The following DIAPH2 variants were observed in gnomAD, a reference collection of about 807,000 sequenced individuals.
DIAPH2 encodes protein diaphanous homolog 2.
In DIAPH2, 35 loss-of-function variants were observed where a neutral mutation model predicts 92.7. The ratio of observed to expected loss-of-function variants is 0.38; its 90% CI spans 0.29 to 0.50. DIAPH2 has a LOEUF of 0.50. Ranked by LOEUF, DIAPH2 falls within the 20% of genes least tolerant of loss-of-function variation. DIAPH2 has a pLI of 0.94. For missense variants in DIAPH2, 701 were observed against 819.5 expected, an observed-to-expected ratio of 0.86 and a Z score of 1.77; for synonymous variants, 301 against 280.4, an observed-to-expected ratio of 1.07 and a Z score of -0.73.
Position 96,943,035 on chromosome X carries a change from A to G in DIAPH2, c.1444+899A>G, listed in dbSNP as rs188905073. ...TATTTCAGGCAATCCAGAGACTTAC[A>G]TAAGTGACAAACCACCAATCACATT... On this transcript the variant is annotated intron_variant, in intron 13 of 26. Transcript: ENST00000324765. Among the ~76,000 whole-genome samples, 554 of 110,262 alleles carry G rather than the reference A, an allele frequency of 5.0e-3. 5 individuals carry two copies. The highest frequency in any genetic ancestry group is 0.018 in the African/African-American group (543 of 30,268).
chrX:97,418,915 T>G (rs2147768035), intron 25 of DIAPH2, among the ~76,000 whole-genome samples: 1 of 111,914 alleles, frequency 8.9e-6, no homozygotes, highest in Admixed American at 9.5e-5. Flanking sequence ...CATTCTTGGC[T>G]TTGGCTCTCC....
At chrX:97,491,902 A>G (rs2070728107) in intron 26 of DIAPH2, among the ~76,000 whole-genome samples, 2 of 111,310 alleles carry the variant, frequency 1.8e-5, no homozygotes, top group African/African-American at 3.3e-5. Flanking sequence ...TATGATTACC[A>G]TGAAGCTTGC....
At position 97,599,238 on chromosome X, in the gene DIAPH2, C is replaced by CTGTT; in HGVS notation, c.3242-11_3242-8dup. 1.7e-6 allele frequency: 2 copies of CTGTT among 1,168,870 alleles called. No homozygotes were observed. Among genetic ancestry groups the CTGTT allele is most frequent in the Non-Finnish European group, 1.2e-6 (1 of 866,001 alleles). On this transcript the variant is annotated splice_polypyrimidine_tract_variant and intron_variant, in intron 26 of 26. Coordinates refer to ENST00000324765, the MANE Select transcript of DIAPH2 (RefSeq NM_006729.5). ...ACTTACCATGCTTTTGGTCCTTTTT[C>CTGTT]TGTTTGTCTTACAGATAACAGACGA...
At chrX:96,901,039 A>C (rs1445278505) in intron 5 of DIAPH2, among the ~76,000 whole-genome samples, 1 of 111,409 alleles carries the variant, frequency 9.0e-6, no homozygotes, top group African/African-American at 3.3e-5. Flanking sequence ...ATTGGTAAAA[A>C]ATTTTTCTTT....
At chrX:97,379,943 A>G (rs777792878) in intron 24 of DIAPH2, among the ~76,000 whole-genome samples, 6 of 111,311 alleles carry the variant, frequency 5.4e-5, no homozygotes, top group Non-Finnish European at 9.4e-5. Context: ...GAAATAAATG[A>G]GAGGTCTTAG....
At chrX:97,304,770 A>G (rs2068732763) in intron 23 of DIAPH2, among the ~76,000 whole-genome samples, 1 of 112,283 alleles carries the variant, frequency 8.9e-6, no homozygotes, top group African/African-American at 3.2e-5. Context: ...CAGAAATTGC[A>G]TTCTGTATGC....
intron 1 of DIAPH2, among the ~76,000 whole-genome samples, chrX:96,722,272 G>A (rs1340530074): frequency 1.8e-5 from 2 of 110,562 alleles, no homozygotes; most frequent in Non-Finnish European, 1.9e-5. Context: ...CAGGAGAATT[G>A]CTTGAACCTG....
At chrX:96,907,372 T>C (rs1001278588) in intron 5 of DIAPH2, among the ~76,000 whole-genome samples, 6 of 112,373 alleles carry the variant, frequency 5.3e-5, no homozygotes, top group African/African-American at 1.9e-4. Context: ...TGTCTAGGCA[T>C]AGATATGTAG....
Position 97,169,981 on chromosome X carries a change from T to G in DIAPH2, c.2719+28187T>G, listed in dbSNP as rs145312522. Among the ~76,000 whole-genome samples the G allele has an allele frequency of 7.0e-3, 780 of 112,134 alleles. 5 individuals carry two copies. The highest frequency in any genetic ancestry group is 0.024 in the African/African-American group (733 of 30,897). ...ATGAGTAATTCCTTTTTTTGTTGTT[T>G]TTTGTTATTTTTTGACATGAGTAAC... is the stretch of plus-strand genomic sequence containing the variant. On this transcript the variant is annotated intron_variant, in intron 22 of 26. Transcript: ENST00000324765.
rs889071773 is a variant in DIAPH2 at position 96,927,673 on chromosome X, C to T, written c.979-3060C>T. On this transcript the variant is annotated intron_variant, in intron 9 of 26. Coordinates refer to ENST00000324765, the MANE Select transcript of DIAPH2 (RefSeq NM_006729.5). ...GATAAGTAGCTCCCATATAGAATAG[C>T]ACAGTACTGTAGAGCGTGTGTGTGC... Among the ~76,000 whole-genome samples the T allele has an allele frequency of 3.6e-5, 4 of 110,947 alleles. No individual in the cohort carries two copies. In the Admixed American group the frequency reaches 3.8e-4, roughly 11 times the overall value.
At chrX:97,570,122 A>AAG (rs1569426243) in intron 26 of DIAPH2, among the ~76,000 whole-genome samples, 41 of 21,260 alleles carry the variant, frequency 1.9e-3, no homozygotes, top group African/African-American at 2.9e-3. Flanking sequence ...ATATATATAT[A>AAG]TTAGAAGATA....
chrX:97,585,898 C>T (rs1468663707), intron 26 of DIAPH2, among the ~76,000 whole-genome samples: 2 of 111,897 alleles, frequency 1.8e-5, no homozygotes, highest in African/African-American at 6.5e-5. Context: ...TTGCTTATTC[C>T]ATTTTTCAAA....
At chrX:97,117,501 T>C (rs1038879428) in intron 21 of DIAPH2, among the ~76,000 whole-genome samples, 15 of 112,063 alleles carry the variant, frequency 1.3e-4, no homozygotes, top group Admixed American at 1.9e-4. Flanking sequence ...TTTAAAATGA[T>C]ACCATTTACT....
intron 17 of DIAPH2, among the ~76,000 whole-genome samples, chrX:97,008,524 CT>C (rs201423640): frequency 0.011 from 1,255 of 111,307 alleles, 16 homozygotes; most frequent in African/African-American, 0.039. Flanking sequence ...TTATTGTAGT[CT>C]TGGCACTCGG....
At chrX:97,070,215 G>A (rs974339789) in intron 17 of DIAPH2, among the ~76,000 whole-genome samples, 12 of 110,662 alleles carry the variant, frequency 1.1e-4, no homozygotes, top group Admixed American at 8.7e-4. Flanking sequence ...TCATTTGTAC[G>A]GGGAAGGTCT....
At chrX:97,445,916 A>C (rs909724188) in intron 26 of DIAPH2, among the ~76,000 whole-genome samples, 14 of 109,821 alleles carry the variant, frequency 1.3e-4, no homozygotes, top group Non-Finnish European at 1.9e-4. Flanking sequence ...ATGGGGGGGA[A>C]AAAAAACCAA....
rs1569388591 is a variant in DIAPH2 at position 97,408,935 on chromosome X, G to A, written c.3146-20715G>A. 3.6e-5 allele frequency among the ~76,000 whole-genome samples: 4 copies of A among 112,120 alleles called. No homozygotes were observed. In the East Asian group the frequency reaches 1.1e-3, roughly 31 times the overall value. On this transcript the variant is annotated intron_variant, in intron 25 of 26. Transcript: ENST00000324765. ...TTTGGAAGCAACTTATAAAACCATT[G>A]TAGATTGGATTGGATCTGATACACA... is the stretch of plus-strand genomic sequence containing the variant.
At chrX:97,409,630 T>C (rs1402346501) in intron 25 of DIAPH2, among the ~76,000 whole-genome samples, 2 of 111,639 alleles carry the variant, frequency 1.8e-5, no homozygotes, top group Non-Finnish European at 3.8e-5. Flanking sequence ...AAGGAAGCCA[T>C]GACAGACTGT....
chrX:96,860,566 A>G (rs1304061755), intron 4 of DIAPH2, among the ~76,000 whole-genome samples: 1 of 111,868 alleles, frequency 8.9e-6, no homozygotes, highest in African/African-American at 3.2e-5. Context: ...CCTTGTATCT[A>G]TTGACCCCTG....
Sources: allele counts gnomAD v4.1 joint callset (sites outside exome capture counted in the v4.1 genomes callset), GRCh38; gene constraint gnomAD v4.1.1; transcripts MANE v1.5; gene names NCBI Gene and HGNC (gene_info 2026-07-23, HGNC 2026-07-21).